TTC5: variants seen among roughly 807,000 people sequenced by gnomAD.
The protein encoded by TTC5 is tetratricopeptide repeat domain 5.
In TTC5, 46 loss-of-function variants were observed where a neutral mutation model predicts 57.4. The ratio of observed to expected loss-of-function variants is 0.80; its 90% CI spans 0.63 to 1.03. The LOEUF is 1.03. Among genes scored for constraint, TTC5 ranks in the 50% least tolerant of loss-of-function variants. TTC5 has a pLI of 0.00. For synonymous variants in TTC5, 190 were observed against 203.5 expected (o/e 0.93, Z 0.57); for missense variants, 504 against 528.1 (o/e 0.95, Z 0.45).
At chr14:20,298,743 G>T in intron 5 of TTC5, 54 bp downstream of exon 5, 3 of 1,271,016 alleles carry the variant, frequency 2.4e-6, no homozygotes, top group Non-Finnish European at 3.4e-6. Flanking sequence ...ACTGAACAAT[G>T]CTCTTGCTTC....
At chr14:20,296,299 T>G (rs1594264129) in intron 6 of TTC5, 91 bp downstream of exon 6, 2 of 1,040,570 alleles carry the variant, frequency 1.9e-6, no homozygotes, top group East Asian at 4.8e-5. Flanking sequence ...TACCCAATCT[T>G]GTCCCTATGC....
At position 20,288,508 on chromosome 14, in the gene TTC5, C is replaced by T. The variant is rs1444516937; in HGVS notation, c.*1119G>A. The T allele has an allele frequency of 6.6e-6, 1 of 152,274 alleles. No individual in the cohort carries two copies. The highest frequency in any genetic ancestry group is 1.5e-5 in the Non-Finnish European group (1 of 68,082). The allele number at this position is 152,274 out of a possible 1,614,324, so 9.4% of individuals were successfully genotyped here. ...ATCGGCTCACTGCAACCTCCACTTC[C>T]CAGGTTCAAGCAATTCTCTGCCTCA... On this transcript the variant is annotated 3_prime_UTR_variant, in exon 10 of 10. Transcript: ENST00000258821.
chr14:20,289,892 C>G (rs1005267343), intron 9 of TTC5, 146 bp from the exon 10 acceptor site: 5 of 899,866 alleles, frequency 5.6e-6, no homozygotes, highest in Non-Finnish European at 6.3e-6. Context: ...CAAAACTGAG[C>G]TAACACAGGG....
At chr14:20,295,038 T>C (rs1270893295) in intron 8 of TTC5, 1 of 375,854 alleles carries the variant, frequency 2.7e-6, no homozygotes, top group African/African-American at 2.0e-5. Flanking sequence ...TATAAAAAAA[T>C]ATGTCCTGCC....
intron 3 of TTC5, chr14:20,300,274 C>G (rs951946593): frequency 3.5e-5 from 7 of 198,006 alleles, no homozygotes; most frequent in Non-Finnish European, 7.1e-5. Flanking sequence ...GCTAGGATTA[C>G]AGGTGTAAGC....
intron 5 of TTC5, among the ~76,000 whole-genome samples, chr14:20,298,065 A>G (rs1285450051): frequency 1.3e-5 from 2 of 152,214 alleles, no homozygotes; most frequent in African/African-American, 4.8e-5. Context: ...GGAGCAGAAT[A>G]AGTAATGATA....
In TTC5 at chr14:20,287,970, T is replaced by C. The variant is rs1016374798; in HGVS notation, c.*1657A>G. The C allele has an allele frequency of 3.3e-5, 5 of 152,184 alleles. No individual in the cohort carries two copies. The highest frequency in any genetic ancestry group is 9.7e-5 in the African/African-American group (4 of 41,450). The allele number at this position is 152,184 out of a possible 1,614,324, so 9.4% of individuals were successfully genotyped here. A position where few individuals can be genotyped will look rare whatever the true frequency, so the allele number is the denominator to read the frequency against. On this transcript the variant is annotated 3_prime_UTR_variant, in exon 10 of 10. Transcript: ENST00000258821. ...TAATAAAAACTGTCTCTTGCTACCA[T>C]AGGTTTTTTTGGTGCAGTCCATGAA...
chr14:20,289,945 T>TGGA (rs2138803153), intron 9 of TTC5, among the ~76,000 whole-genome samples, 199 bp from the exon 10 acceptor site: 1 of 152,268 alleles, frequency 6.6e-6, no homozygotes, highest in South Asian at 2.1e-4. Flanking sequence ...AAGGAAAACA[T>TGGA]GGAGCATGTA....
At chr14:20,290,641 CA>C (rs1881934468) in intron 9 of TTC5, among the ~76,000 whole-genome samples, 1 of 152,154 alleles carries the variant, frequency 6.6e-6, no homozygotes, top group Admixed American at 6.5e-5. Flanking sequence ...CAATATGTAT[CA>C]AAAGCCTCAG....
chr14:20,289,360 C>G lies in TTC5; in HGVS notation c.*267G>C, dbSNP rs1881905088. 3.5e-6 allele frequency: 1 copy of G among 283,658 alleles called. No individual in the cohort carries two copies. Among genetic ancestry groups the G allele is most frequent in the Admixed American group, 4.7e-5 (1 of 21,070 alleles). The allele number at this position is 283,658 out of a possible 1,614,324, so 17.6% of individuals were successfully genotyped here. A position where few individuals can be genotyped will look rare whatever the true frequency, so the allele number is the denominator to read the frequency against. Reference sequence around the variant, plus strand: ...CATGGCAAGATCCCAAGACTTCTACCAATTCCATGCTCTTTGCTTAAAACA... The same window carrying G: ...CATGGCAAGATCCCAAGACTTCTACGAATTCCATGCTCTTTGCTTAAAACA... On this transcript the variant is annotated 3_prime_UTR_variant, in exon 10 of 10. Coordinates refer to ENST00000258821, the MANE Select transcript of TTC5 (RefSeq NM_138376.3).
intron 1 of TTC5, among the ~76,000 whole-genome samples, chr14:20,302,661 T>C (rs923953089): frequency 6.6e-6 from 1 of 152,218 alleles, no homozygotes; most frequent in Non-Finnish European, 1.5e-5. Context: ...TGAGTCTTCC[T>C]GTCACACCAG....
chr14:20,300,956 A>T, intron 2 of TTC5, 138 bp from the exon 3 acceptor site: 2 of 681,286 alleles, frequency 2.9e-6, no homozygotes, highest in Non-Finnish European at 4.9e-6. Context: ...CATTTATTGA[A>T]AGCTCACCAT....
At chr14:20,301,653 C>T (rs1482313586) in intron 2 of TTC5, among the ~76,000 whole-genome samples, 180 bp downstream of exon 2, 2 of 152,158 alleles carry the variant, frequency 1.3e-5, no homozygotes, top group Non-Finnish European at 2.9e-5. Flanking sequence ...TTGCTATAAT[C>T]AAATTTTAGG....
At position 20,300,155 on chromosome 14, in the gene TTC5, ATTTT is replaced by A. The variant is rs765208751; in HGVS notation, c.396+448_396+451del. Among the ~76,000 whole-genome samples the A allele has an allele frequency of 5.7e-4, 51 of 89,334 alleles. 2 individuals are homozygous for A. Among genetic ancestry groups the A allele is most frequent in the African/African-American group, 2.0e-3 (45 of 22,078 alleles). 58.6% of individuals were successfully genotyped at this position (89,334 alleles called of 152,430 possible). A position where few individuals can be genotyped will look rare whatever the true frequency, so the allele number is the denominator to read the frequency against. On this transcript the variant is annotated intron_variant, in intron 3 of 9. Coordinates refer to ENST00000258821, the MANE Select transcript of TTC5 (RefSeq NM_138376.3). ...ACGTCTGGTCCATGTATATATATATATTTTTTTTTTTTTTTTTTTTTTTTGTAGA... is the reference window on the plus strand; with the variant it reads ...ACGTCTGGTCCATGTATATATATATATTTTTTTTTTTTTTTTTTTTGTAGA...
chr14:20,302,077 C>T, intron 1 of TTC5, 112 bp from the exon 2 acceptor site: 1 of 1,197,070 alleles, frequency 8.4e-7, no homozygotes, highest in Non-Finnish European at 1.2e-6. Flanking sequence ...TCTTTCTCAC[C>T]TATGAATGGC....
intron 8 of TTC5, chr14:20,295,108 C>T: frequency 3.5e-6 from 2 of 575,412 alleles, no homozygotes; most frequent in Non-Finnish European, 6.2e-6. Context: ...ACAAAATGGG[C>T]AGTGACAGAA....
chr14:20,301,087 G>A (rs1040013629), intron 2 of TTC5, among the ~76,000 whole-genome samples: 1 of 152,180 alleles, frequency 6.6e-6, no homozygotes, highest in African/African-American at 2.4e-5. Flanking sequence ...TCCTAGAGGG[G>A]TTTACAATCT....
chr14:20,295,677 A>G, intron 7 of TTC5, 31 bp downstream of exon 7: 2 of 1,571,062 alleles, frequency 1.3e-6, no homozygotes, highest in Non-Finnish European at 1.7e-6. Flanking sequence ...AAAAAAAAAA[A>G]AGTGGAATTC....
At chr14:20,295,996 C>T (rs1882054773) in intron 6 of TTC5, 142 bp from the exon 7 acceptor site, 1 of 758,462 alleles carries the variant, frequency 1.3e-6, no homozygotes, top group Non-Finnish European at 2.0e-6. Context: ...GCCTGAAGAG[C>T]TGGTAACACC....
Sources: gnomAD v4.1 joint callset for allele counts (sites outside exome capture counted in the v4.1 genomes callset) on GRCh38, gnomAD v4.1.1 for gene constraint, MANE v1.5 for transcripts, NCBI Gene and HGNC (gene_info 2026-07-23, HGNC 2026-07-21) for gene names.